CASD1: variants seen among roughly 807,000 people sequenced by gnomAD.
The protein encoded by CASD1 is CAS1 domain sialic acid O acetyltransferase 1.
A neutral mutation model predicts 100.0 loss-of-function variants in CASD1; 41 were observed. That is an observed-to-expected ratio of 0.41 (90% CI 0.32 to 0.53). CASD1 has a LOEUF of 0.53. Ranked by LOEUF, CASD1 falls within the 20% of genes least tolerant of loss-of-function variation. The pLI is 0.25. For synonymous variants in CASD1, 321 were observed against 315.6 expected (o/e 1.02, Z -0.18); for missense variants, 774 against 948.7 (o/e 0.82, Z 2.42).
chr7:94,581,249 A>G, the CASD1 span, among the ~76,000 whole-genome samples: 1 of 152,234 alleles, frequency 6.6e-6, no homozygotes, highest in Non-Finnish European at 1.5e-5. Context: ...AGTGGTACCA[A>G]CTAAAAATCT....
the CASD1 span, among the ~76,000 whole-genome samples, chr7:94,575,359 G>A: frequency 1.3e-5 from 2 of 152,170 alleles, no homozygotes; most frequent in Non-Finnish European, 2.9e-5. Context: ...GCATGGTTTT[G>A]AGTGATTCTC....
intron 3 of CASD1, among the ~76,000 whole-genome samples, chr7:94,523,448 C>G (rs1251594137): frequency 3.9e-5 from 6 of 151,992 alleles, no homozygotes; most frequent in Non-Finnish European, 8.8e-5. Context: ...TAAAATATAC[C>G]GTGTGCAATG....
At chr7:94,520,918 C>T (rs1342452944) in intron 3 of CASD1, among the ~76,000 whole-genome samples, 3 of 152,066 alleles carry the variant, frequency 2.0e-5, no homozygotes, top group African/African-American at 7.2e-5. Context: ...ACGGTGAAAC[C>T]CCATCTCTAC....
At chr7:94,604,910 G>A in the CASD1 span, among the ~76,000 whole-genome samples, 559 of 134,920 alleles carry the variant, frequency 4.1e-3, 5 homozygotes, top group African/African-American at 0.014. Context: ...CACATATCCC[G>A]TCCTACCTAA....
At chr7:94,595,942 TTGA>T in the CASD1 span, among the ~76,000 whole-genome samples, 2 of 152,140 alleles carry the variant, frequency 1.3e-5, no homozygotes, top group African/African-American at 4.8e-5. Flanking sequence ...TCAGACGCAC[TTGA>T]TGATCCTGCA....
At chr7:94,575,962 T>C in the CASD1 span, among the ~76,000 whole-genome samples, 12 of 152,298 alleles carry the variant, frequency 7.9e-5, no homozygotes, top group African/African-American at 2.9e-4. Context: ...TAAGTGTGGA[T>C]CTCTGAGTTT....
chr7:94,536,534 T>C (rs1795129810), intron 8 of CASD1, among the ~76,000 whole-genome samples: 1 of 152,216 alleles, frequency 6.6e-6, no homozygotes, highest in Non-Finnish European at 1.5e-5. Context: ...TGTTTGCATG[T>C]ACATATGGTT....
chr7:94,517,490 T>A (rs986488009), intron 1 of CASD1, 70 bp from the exon 2 acceptor site: 18 of 914,650 alleles, frequency 2.0e-5, no homozygotes, highest in African/African-American at 3.3e-5. Context: ...GGAACTTATA[T>A]AGGGTCAAGA....
At chr7:94,588,665 T>C in the CASD1 span, 6 of 1,574,690 alleles carry the variant, frequency 3.8e-6, no homozygotes, top group African/African-American at 5.4e-5. Flanking sequence ...TCATAAACAT[T>C]AATTTATTAT....
At chr7:94,524,289 T>C (rs1794435550) in intron 3 of CASD1, 1 of 151,966 alleles carries the variant, frequency 6.6e-6, no homozygotes, top group African/African-American at 2.4e-5. Flanking sequence ...AGAAAAAAGA[T>C]AAGCCACAAA....
intron 1 of CASD1, among the ~76,000 whole-genome samples, chr7:94,516,153 C>CA (rs34577793): frequency 9.8e-4 from 145 of 147,826 alleles, no homozygotes; most frequent in Non-Finnish European, 1.3e-3. Context: ...CTTTGAAATA[C>CA]AAAAAAAAAA....
chr7:94,620,573 A>G, the CASD1 span: 1 of 152,240 alleles, frequency 6.6e-6, no homozygotes, highest in Non-Finnish European at 1.5e-5. Flanking sequence ...GCAATAAATA[A>G]TAAAATATTT....
At chr7:94,632,819 G>C in the CASD1 span, among the ~76,000 whole-genome samples, 1 of 151,964 alleles carries the variant, frequency 6.6e-6, no homozygotes. Flanking sequence ...AAATGACACA[G>C]AGAATTCGAA....
At chr7:94,627,963 A>G in the CASD1 span, 1 of 493,658 alleles carries the variant, frequency 2.0e-6, no homozygotes, top group Admixed American at 3.3e-5. Flanking sequence ...TTTTAAGGTC[A>G]TATTTTTTTC....
intron 10 of CASD1, among the ~76,000 whole-genome samples, chr7:94,539,270 G>A (rs991765049): frequency 1.3e-5 from 2 of 152,042 alleles, no homozygotes; most frequent in African/African-American, 4.8e-5. Flanking sequence ...GGCAATAATT[G>A]CTTTGTATTT....
chr7:94,555,241 T>G (rs1016903759), intron 17 of CASD1, among the ~76,000 whole-genome samples: 25 of 152,106 alleles, frequency 1.6e-4, no homozygotes, highest in African/African-American at 5.8e-4. Context: ...GAAAATAAAT[T>G]CCTCTTTGAG....
At chr7:94,548,737 A>G (rs1584430158) in intron 13 of CASD1, among the ~76,000 whole-genome samples, 1 of 151,792 alleles carries the variant, frequency 6.6e-6, no homozygotes, top group East Asian at 1.9e-4. Context: ...TACACTTTTT[A>G]TGCCGTAGCA....
chr7:94,516,463 T>C (rs1793982093), intron 1 of CASD1, among the ~76,000 whole-genome samples: 1 of 152,184 alleles, frequency 6.6e-6, no homozygotes, highest in African/African-American at 2.4e-5. Context: ...ATGCTCAATA[T>C]CCTTTTTGTT....
intron 3 of CASD1, among the ~76,000 whole-genome samples, chr7:94,526,443 A>G (rs1794571406): frequency 1.3e-5 from 2 of 152,206 alleles, no homozygotes; most frequent in South Asian, 2.1e-4. Context: ...GGCTCTGCCT[A>G]ACTGAAAGGG....
Sources: gnomAD v4.1 joint callset for allele counts (sites outside exome capture counted in the v4.1 genomes callset) on GRCh38, gnomAD v4.1.1 for gene constraint, MANE v1.5 for transcripts, NCBI Gene and HGNC (gene_info 2026-07-23, HGNC 2026-07-21) for gene names.